Variants in LLGL2 observed in about 807,000 individuals in gnomAD.
LLGL2 encodes the protein LLGL scribble cell polarity complex component 2, also known as LLGL2, scribble cell polarity complex component.
LLGL2 carries 81 observed loss-of-function variants against 123.2 expected under a neutral mutation model. That is an observed-to-expected ratio of 0.66 (90% CI 0.55 to 0.79). The LOEUF is 0.79. Ranked by LOEUF, LLGL2 falls within the 30% of genes least tolerant of loss-of-function variation. The probability of loss-of-function intolerance (pLI) is 0.00; values close to 1 mark genes in which losing one functional copy is unlikely to be tolerated. For missense variants in LLGL2, 1,273 were observed against 1,414.6 expected, an observed-to-expected ratio of 0.90 and a Z score of 1.61; for synonymous variants, 577 against 594.1, an observed-to-expected ratio of 0.97 and a Z score of 0.42.
At position 75,549,700 on chromosome 17, in the gene LLGL2, A is replaced by G. The variant is rs2054581622; in HGVS notation, c.75+6199A>G. 6.6e-6 allele frequency among the ~76,000 whole-genome samples: 1 copy of G among 152,090 alleles called. No homozygotes were observed. ...CCCCCAAGGTGCTGGGCAGCCTCTG[A>G]GGGCCTGGTGCCCACCACTGCCTCC... On this transcript the variant is annotated intron_variant, in intron 2 of 25. Transcript: ENST00000392550. The surrounding 1 kb of genome is among the most constrained non-coding windows in gnomAD (Gnocchi z 4.0).
Position 75,573,969 on chromosome 17 carries a change from G to A in LLGL2, c.2894G>A (p.Ser965Asn), listed in dbSNP as rs1446772593. Residue 965 changes from serine to asparagine, a missense_variant, in exon 22 of 26, where the codon AGT becomes AAT. By Grantham distance (46) the Ser-to-Asn change is conservative (BLOSUM62 1). Coordinates refer to ENST00000392550, the MANE Select transcript of LLGL2 (RefSeq NM_001031803.2). Reference sequence around the variant, plus strand: ...CCCCACAGGAACTCAGGGACTCAGAGTGATGGCGAGGGTAAGACAGGCCTC... The same window carrying A: ...CCCCACAGGAACTCAGGGACTCAGAATGATGGCGAGGGTAAGACAGGCCTC... ...PSRARNSGTQ[S>N]DGEEKQPGLV... is the part of the protein sequence containing the mutation. 9 of 1,550,778 alleles carry A rather than the reference G, an allele frequency of 5.8e-6. No individual in the cohort carries two copies. The highest frequency in any genetic ancestry group is 1.7e-6 in the Non-Finnish European group (2 of 1,146,990).
intron 6 of LLGL2, among the ~76,000 whole-genome samples, chr17:75,560,720 A>G (rs2055165110): frequency 6.9e-6 from 1 of 145,130 alleles, no homozygotes; most frequent in South Asian, 2.2e-4. Flanking sequence ...TCCCGACCTC[A>G]GGTGATTGAC....
In LLGL2 at chr17:75,563,442, C is replaced by T; in HGVS notation, c.805C>T (p.Leu269Phe). The T allele has an allele frequency of 2.5e-6, 4 of 1,612,672 alleles. No homozygotes were observed. The highest frequency in any genetic ancestry group is 3.4e-6 in the Non-Finnish European group (4 of 1,180,012). Residue 269 changes from leucine (L) to phenylalanine (F), a missense_variant, in exon 8 of 26, where the codon CTC (leucine) becomes TTC (phenylalanine). By Grantham distance (22) the Leu-to-Phe change is conservative (BLOSUM62 0). Coordinates refer to ENST00000392550, the MANE Select transcript of LLGL2 (RefSeq NM_001031803.2). ...CAGCGAAGCCCAGCAACCAGAGCCC[C>T]TCCGCAGCCTCGTGCCTTACGGTCA... The part of the protein sequence containing the change: ...VSSEAQQPEP[L>F]RSLVPYGPFP...
In LLGL2 at chr17:75,559,430, G is replaced by A; in HGVS notation, c.530+20G>A. The A allele has an allele frequency of 6.3e-7, 1 of 1,584,302 alleles. No homozygotes were observed. The highest frequency in any genetic ancestry group is 8.6e-7 in the Non-Finnish European group (1 of 1,165,918). On this transcript the variant is annotated intron_variant, in intron 6 of 25. Transcript: ENST00000392550. The surrounding 1 kb of genome is among the most constrained non-coding windows in gnomAD (Gnocchi z 4.6). ...GCAGCGGTGAGCCCAGAGCCCAGCTGCTGTTAACTCCATCCCCTCAAGTTA... is the reference window on the plus strand; with the variant it reads ...GCAGCGGTGAGCCCAGAGCCCAGCTACTGTTAACTCCATCCCCTCAAGTTA...
intron 17 of LLGL2, 61 bp downstream of exon 17, chr17:75,571,161 T>TG: frequency 2.7e-6 from 4 of 1,481,894 alleles, no homozygotes; most frequent in South Asian, 1.2e-5. Flanking sequence ...CCCCCTGACC[T>TG]GGGGGCATGC....
Position 75,564,098 on chromosome 17 carries a change from CT to C in LLGL2, c.882-254del, listed in dbSNP as rs1433115454. ...CCCTGTTTCTTCAGACAAAATCACT[CT>C]GGGTGATGTTCAAACAGAATTGGTG... On this transcript the variant is annotated intron_variant, in intron 9 of 25. Coordinates refer to ENST00000392550, the MANE Select transcript of LLGL2 (RefSeq NM_001031803.2). The surrounding 1 kb of genome is among the most constrained non-coding windows in gnomAD (Gnocchi z 4.9). Among the ~76,000 whole-genome samples the C allele has an allele frequency of 6.6e-6, 1 of 152,240 alleles. No homozygotes were observed. Among genetic ancestry groups the C allele is most frequent in the African/African-American group, 2.4e-5 (1 of 41,466 alleles).
rs757256244 is a variant in LLGL2, at chr17:75,573,549, C to T, written c.2794C>T (p.Arg932Trp). 2.5e-5 allele frequency: 40 copies of T among 1,612,748 alleles called. No homozygotes were observed. The Middle Eastern group carries it at 4.9e-4, about 20-fold the overall frequency. The change falls in exon 21 of 26, where the codon CGG becomes TGG. Residue 932 changes from arginine (R) to tryptophan (W), a missense_variant. Coordinates refer to ENST00000392550, the MANE Select transcript of LLGL2 (RefSeq NM_001031803.2). ...CTCCACCAAGTGGCTGGTGGAGCCC[C>T]GGTGTCTGGTGGATTCAGCAGAAAC... Reference protein sequence around the residue: ...SLSTKWLVEPRCLVDSAETKN... With the variant: ...SLSTKWLVEPWCLVDSAETKN...
At chr17:75,548,818 G>A (rs7208430) in intron 2 of LLGL2, among the ~76,000 whole-genome samples, 73,423 of 151,044 alleles carry the variant, frequency 0.49, 18,723 homozygotes, top group African/African-American at 0.62. Context: ...TCCTACAGTG[G>A]TATTTTGGGG....
In LLGL2 at chr17:75,559,052, C is replaced by T; in HGVS notation, c.372-200C>T. On this transcript the variant is annotated intron_variant, in intron 5 of 25. Transcript: ENST00000392550. The surrounding 1 kb of genome is among the most constrained non-coding windows in gnomAD (Gnocchi z 4.6). ...TGTTATGCTGGAGGGTCCCTGGCGT[C>T]TTTCCTGCCTCCTAGCCCAGGCTCT... 1.6e-6 allele frequency: 1 copy of T among 630,894 alleles called. No homozygotes were observed. Among genetic ancestry groups the T allele is most frequent in the Non-Finnish European group, 2.7e-6 (1 of 371,648 alleles). 39.1% of individuals were successfully genotyped at this position (630,894 alleles called of 1,614,324 possible).
rs924678388 is a variant in LLGL2, at chr17:75,548,613, G to A, written c.75+5112G>A. Among the ~76,000 whole-genome samples the A allele has an allele frequency of 3.7e-4, 56 of 151,782 alleles. 1 individual carries two copies. Among genetic ancestry groups the A allele is most frequent in the African/African-American group, 1.3e-3 (52 of 41,336 alleles). On this transcript the variant is annotated intron_variant, in intron 2 of 25. Coordinates refer to ENST00000392550, the MANE Select transcript of LLGL2 (RefSeq NM_001031803.2). ...TCAGGAGTTCGAGATCAGCCTAGCCGGGCATGGTGGCGCACACCTGTAATC... is the reference window on the plus strand; with the variant it reads ...TCAGGAGTTCGAGATCAGCCTAGCCAGGCATGGTGGCGCACACCTGTAATC...
intron 10 of LLGL2, among the ~76,000 whole-genome samples, chr17:75,567,378 C>T (rs1381117246): frequency 6.6e-6 from 1 of 152,162 alleles, no homozygotes; most frequent in Non-Finnish European, 1.5e-5. Flanking sequence ...GCAGGAGAAT[C>T]TCTTGAACCC....
chr17:75,567,459 C>T (rs148178937), intron 10 of LLGL2, among the ~76,000 whole-genome samples: 192 of 147,682 alleles, frequency 1.3e-3, no homozygotes, highest in African/African-American at 4.5e-3. Flanking sequence ...AGCGAAACTC[C>T]GTCTCAAAAA....
intron 10 of LLGL2, chr17:75,567,952 A>AAG: frequency 2.3e-6 from 1 of 444,414 alleles, no homozygotes; most frequent in Non-Finnish European, 2.8e-6. Context: ...CGAGAAAAGA[A>AAG]AAAAAAAAAA....
intron 10 of LLGL2, among the ~76,000 whole-genome samples, chr17:75,566,444 G>A (rs1220770880): frequency 2.0e-5 from 3 of 152,188 alleles, no homozygotes; most frequent in Non-Finnish European, 4.4e-5. Flanking sequence ...CTGGGGTTAC[G>A]CTGTCTTTTC....
intron 3 of LLGL2, chr17:75,557,744 A>G: frequency 6.0e-6 from 2 of 334,306 alleles, no homozygotes; most frequent in Non-Finnish European, 1.2e-5. Flanking sequence ...TCTAGTTACC[A>G]ATCCCTGGTG....
intron 6 of LLGL2, among the ~76,000 whole-genome samples, chr17:75,560,827 A>C (rs1362300427): frequency 1.3e-4 from 15 of 111,650 alleles, no homozygotes; most frequent in Non-Finnish European, 1.0e-4. Flanking sequence ...AAAAAAAAAA[A>C]AAAAACAAAG....
rs2147390679 is a variant in LLGL2, at chr17:75,559,270, A to G, written c.390A>G (p.Thr130=). 1 of 1,609,784 alleles carries G rather than the reference A, an allele frequency of 6.2e-7. No homozygotes were observed. Among genetic ancestry groups the G allele is most frequent in the South Asian group, 1.1e-5 (1 of 90,716 alleles). The part of the protein sequence containing the change: ...RGPPGAAPSA[T]QITVVLPHSS... ...GTCACAGGGCTGCCCCCAGTGCCAC[A>G]CAGATCACCGTGGTCCTGCCACATT... is the stretch of plus-strand genomic sequence containing the variant. The change falls in exon 6 of 26, where the codon ACA becomes ACG. Residue 130 remains threonine, a synonymous_variant. Transcript: ENST00000392550. The surrounding 1 kb of genome is among the most constrained non-coding windows in gnomAD (Gnocchi z 4.6).
rs2147262796 is a variant in LLGL2, at chr17:75,549,157, T to C, written c.75+5656T>C. ...CTTCACCAGTGAAGTAACTGTTTGCTATATATGGTGGGCCGTCAAGCCTAT... is the reference window on the plus strand; with the variant it reads ...CTTCACCAGTGAAGTAACTGTTTGCCATATATGGTGGGCCGTCAAGCCTAT... On this transcript the variant is annotated intron_variant, in intron 2 of 25. Coordinates refer to ENST00000392550, the MANE Select transcript of LLGL2 (RefSeq NM_001031803.2). This position sits in a 1 kb window ranked among gnomAD's most constrained non-coding sequence, Gnocchi z 4.0. Among the ~76,000 whole-genome samples the C allele has an allele frequency of 6.6e-6, 1 of 152,156 alleles. No homozygotes were observed. The highest frequency in any genetic ancestry group is 1.9e-4 in the East Asian group (1 of 5,174).
At position 75,575,128 on chromosome 17, in the gene LLGL2, T is replaced by G; in HGVS notation, c.*250T>G. On this transcript the variant is annotated 3_prime_UTR_variant, in exon 26 of 26. Transcript: ENST00000392550. ...CAGTTTTTATTGCTCCCATCCCTTT[T>G]TGTAGTGGGCTGGGTTTTAAGTTAT... 2 of 592,696 alleles carry G rather than the reference T, an allele frequency of 3.4e-6. No homozygotes were observed. Among genetic ancestry groups the G allele is most frequent in the Non-Finnish European group, 6.0e-6 (2 of 331,926 alleles). 36.7% of individuals were successfully genotyped at this position (592,696 alleles called of 1,614,324 possible).
Sources: allele counts gnomAD v4.1 joint callset (sites outside exome capture counted in the v4.1 genomes callset), GRCh38; gene constraint gnomAD v4.1.1; non-coding constraint Gnocchi (gnomAD v3.1); transcripts MANE v1.5; gene names NCBI Gene and HGNC (gene_info 2026-07-23, HGNC 2026-07-21).